Variants in ERBB4 observed in about 807,000 individuals in gnomAD.
ERBB4 encodes erb-b2 receptor tyrosine kinase 4.
A neutral mutation model predicts 158.0 loss-of-function variants in ERBB4; 42 were observed. That is an observed-to-expected ratio of 0.27 (90% CI 0.21 to 0.34). The LOEUF (loss-of-function observed/expected upper bound fraction) is 0.34, where lower values mean the gene tolerates loss of function less well. Among genes scored for constraint, ERBB4 ranks in the 10% least tolerant of loss-of-function variants. ERBB4 has a pLI of 1.00. For missense variants in ERBB4, 1,333 were observed against 1,624.1 expected, an observed-to-expected ratio of 0.82 and a Z score of 3.08; for synonymous variants, 583 against 558.7, an observed-to-expected ratio of 1.04 and a Z score of -0.61.
chr2:211,732,015 T>G (rs1043662535), intron 5 of ERBB4, among the ~76,000 whole-genome samples: 3 of 152,094 alleles, frequency 2.0e-5, no homozygotes, highest in African/African-American at 7.2e-5. Context: ...AATTCATTTT[T>G]TTTTTTTATT....
chr2:211,967,245 C>T (rs942086192), intron 2 of ERBB4, among the ~76,000 whole-genome samples: 4 of 151,956 alleles, frequency 2.6e-5, no homozygotes. Context: ...CAGGTTTGGG[C>T]TATATTTGGG....
chr2:212,166,821 C>G (rs4552138), intron 1 of ERBB4, among the ~76,000 whole-genome samples: 128,068 of 152,080 alleles, frequency 0.84, 54,977 homozygotes, highest in Non-Finnish European at 0.9. Flanking sequence ...CGACAAATCT[C>G]ACAAAAACAA....
chr2:212,023,329 G>C (rs1559337716), intron 2 of ERBB4, among the ~76,000 whole-genome samples: 1 of 151,930 alleles, frequency 6.6e-6, no homozygotes, highest in Non-Finnish European at 1.5e-5. Context: ...GCAATTCTGT[G>C]ATCTGTCATC....
chr2:211,384,209 C>T (rs1276493742), intron 27 of ERBB4, 149 bp from the exon 28 acceptor site: 4 of 648,782 alleles, frequency 6.2e-6, no homozygotes, highest in African/African-American at 1.8e-5. Flanking sequence ...ATTTGTGGAT[C>T]ACCATTGTCT....
At chr2:212,117,774 CCTCT>C (rs77011144) in intron 2 of ERBB4, among the ~76,000 whole-genome samples, 62,394 of 151,540 alleles carry the variant, frequency 0.41, 15,217 homozygotes, top group Non-Finnish European at 0.55. Context: ...ATGGTGTTTT[CCTCT>C]CTAATGTTTC....
chr2:211,464,361 T>C (rs577973850), intron 20 of ERBB4, among the ~76,000 whole-genome samples: 3 of 152,284 alleles, frequency 2.0e-5, no homozygotes, highest in South Asian at 2.1e-4. Context: ...TTCCAAACAG[T>C]TGGGGTATTT....
intron 2 of ERBB4, among the ~76,000 whole-genome samples, chr2:212,117,352 G>C (rs2125554059): frequency 6.6e-6 from 1 of 152,244 alleles, no homozygotes; most frequent in Admixed American, 6.5e-5. Flanking sequence ...CCAACCAATA[G>C]TTTCTTGAAG....
chr2:212,421,479 T>A (rs2091791350), intron 1 of ERBB4, among the ~76,000 whole-genome samples: 1 of 152,144 alleles, frequency 6.6e-6, no homozygotes, highest in African/African-American at 2.4e-5. Context: ...GTTTTCTATA[T>A]CTAGTGTCAC....
At chr2:212,495,272 G>A (rs551394851) in intron 1 of ERBB4, among the ~76,000 whole-genome samples, 1 of 139,470 alleles carries the variant, frequency 7.2e-6, no homozygotes, top group African/African-American at 3.4e-5. Context: ...AAAATCCCCT[G>A]TCTCTCACCC....
At chr2:211,922,776 G>A (rs1286044081) in intron 3 of ERBB4, among the ~76,000 whole-genome samples, 1 of 152,056 alleles carries the variant, frequency 6.6e-6, no homozygotes, top group Non-Finnish European at 1.5e-5. Flanking sequence ...CCTTGTCAGA[G>A]GATATAACCT....
intron 5 of ERBB4, 60 bp downstream of exon 5, chr2:211,750,579 C>T (rs1575093172): frequency 1.5e-6 from 2 of 1,378,028 alleles, no homozygotes; most frequent in Non-Finnish European, 1.0e-6. Context: ...ATGAAATGGA[C>T]CAATCATTAA....
intron 1 of ERBB4, among the ~76,000 whole-genome samples, chr2:212,292,751 G>A (rs1419436622): frequency 6.6e-6 from 1 of 152,042 alleles, no homozygotes; most frequent in East Asian, 1.9e-4. Context: ...GTGAAAAGTT[G>A]TTTAGCCTAG....
At position 211,479,627 on chromosome 2, in the gene ERBB4, A is replaced by G. The variant is rs537712483; in HGVS notation, c.2488-48527T>C. Among the ~76,000 whole-genome samples, 11 of 152,282 alleles carry G rather than the reference A, an allele frequency of 7.2e-5. No individual in the cohort carries two copies. In the South Asian group the frequency reaches 2.3e-3, roughly 32 times the overall value. On this transcript the variant is annotated intron_variant, in intron 20 of 27. Transcript: ENST00000342788. Reference sequence around the variant, plus strand: ...AGGACATAATTATTCTACCACAAATATCTATCGGCACAGGAACTGGCAAAC... The same window carrying G: ...AGGACATAATTATTCTACCACAAATGTCTATCGGCACAGGAACTGGCAAAC...
intron 1 of ERBB4, among the ~76,000 whole-genome samples, chr2:212,252,979 C>T (rs1342069029): frequency 6.6e-6 from 1 of 152,050 alleles, no homozygotes; most frequent in Non-Finnish European, 1.5e-5. Flanking sequence ...TGCATAACAT[C>T]ATTTGCATTT....
Position 212,344,353 on chromosome 2 carries a change from C to T in ERBB4, c.82+194096G>A, listed in dbSNP as rs532945933. On this transcript the variant is annotated intron_variant, in intron 1 of 27. Transcript: ENST00000342788. ...TGCCTCCTCTACCCAGTTGCGACAACCAAAAATGTCTCCAGACCTTGCTAA... is the reference window on the plus strand; with the variant it reads ...TGCCTCCTCTACCCAGTTGCGACAATCAAAAATGTCTCCAGACCTTGCTAA... 7.2e-5 allele frequency among the ~76,000 whole-genome samples: 11 copies of T among 152,166 alleles called. No individual in the cohort carries two copies. The South Asian group carries it at 8.3e-4, about 11-fold the overall frequency.
intron 20 of ERBB4, among the ~76,000 whole-genome samples, chr2:211,460,585 T>C (rs532411405): frequency 6.6e-6 from 1 of 152,314 alleles, no homozygotes; most frequent in African/African-American, 2.4e-5. Context: ...AGAAACATCA[T>C]CCTGGAAGAA....
intron 12 of ERBB4, among the ~76,000 whole-genome samples, chr2:211,684,697 C>A (rs942002848): frequency 6.6e-6 from 1 of 152,166 alleles, no homozygotes; most frequent in African/African-American, 2.4e-5. Flanking sequence ...TCATGTCCTG[C>A]ATGCCAGAGA....
intron 17 of ERBB4, among the ~76,000 whole-genome samples, chr2:211,626,793 C>T (rs891893363): frequency 2.6e-5 from 4 of 151,802 alleles, no homozygotes; most frequent in African/African-American, 7.3e-5. Context: ...GACGTGTTGG[C>T]GGGCGCCTGT....
chr2:211,520,439 G>C lies in ERBB4; in HGVS notation c.2487+41464C>G, dbSNP rs115370040. Among the ~76,000 whole-genome samples the C allele has an allele frequency of 2.1e-3, 317 of 152,162 alleles. 2 individuals are homozygous for C. The highest frequency in any genetic ancestry group is 7.2e-3 in the African/African-American group (300 of 41,534). On this transcript the variant is annotated intron_variant, in intron 20 of 27. Transcript: ENST00000342788. ...AAATATAGTCCTTAGGCCAAATCTA[G>C]CCCGTGGCCTGTTCTGTACTGCCTG...
Sources: gnomAD v4.1 joint callset for allele counts (sites outside exome capture counted in the v4.1 genomes callset) on GRCh38, gnomAD v4.1.1 for gene constraint, MANE v1.5 for transcripts, NCBI Gene and HGNC (gene_info 2026-07-23, HGNC 2026-07-21) for gene names.